Variants in DCHS2 observed in about 807,000 individuals in gnomAD.
DCHS2 encodes the protein protocadherin-23.
In DCHS2, 142 loss-of-function variants were observed where a neutral mutation model predicts 182.4. That is an observed-to-expected ratio of 0.78 (90% CI 0.68 to 0.89). DCHS2 has a LOEUF of 0.89. DCHS2 is among the 40% of genes least tolerant of loss of function. The pLI, the probability that DCHS2 is intolerant of heterozygous loss-of-function variation, is 0.00. For synonymous variants in DCHS2, 1,740 were observed against 1,663.3 expected, an observed-to-expected ratio of 1.05 and a Z score of -1.12; for missense variants, 4,319 against 4,198.6, an observed-to-expected ratio of 1.03 and a Z score of -0.79.
At chr4:154,300,610 C>CT (rs1264653496) in intron 12 of DCHS2, among the ~76,000 whole-genome samples, 2 of 151,698 alleles carry the variant, frequency 1.3e-5, no homozygotes, top group African/African-American at 2.4e-5. Context: ...TTGCTTGAGC[C>CT]TGACAGGGGG....
intron 1 of DCHS2, among the ~76,000 whole-genome samples, chr4:154,449,621 C>T (rs1000612195): frequency 6.6e-6 from 1 of 152,148 alleles, no homozygotes; most frequent in African/African-American, 2.4e-5. Context: ...AATACTCTTG[C>T]CTCGGCCTCC....
intron 15 of DCHS2, among the ~76,000 whole-genome samples, chr4:154,256,283 G>A (rs1032561246): frequency 8.6e-5 from 13 of 151,964 alleles, no homozygotes; most frequent in South Asian, 2.1e-4. Context: ...AGTAGCATGC[G>A]CCACCATGCC....
intron 1 of DCHS2, among the ~76,000 whole-genome samples, chr4:154,446,648 C>T (rs1170468972): frequency 2.0e-5 from 3 of 151,992 alleles, no homozygotes; most frequent in Non-Finnish European, 2.9e-5. Context: ...TGAGTGCAGG[C>T]GATCTGGCTG....
At chr4:154,391,710 G>C (rs536023980) in intron 1 of DCHS2, among the ~76,000 whole-genome samples, 1 of 152,216 alleles carries the variant, frequency 6.6e-6, no homozygotes, top group African/African-American at 2.4e-5. Context: ...TGTTTTGGGG[G>C]TTCTGTGTGT....
chr4:154,319,841 T>C (rs527331395), intron 9 of DCHS2, among the ~76,000 whole-genome samples: 100 of 152,224 alleles, frequency 6.6e-4, no homozygotes, highest in African/African-American at 2.0e-3. Context: ...TGGATATTTA[T>C]ACAAAAGAAT....
At chr4:154,253,192 A>AGTGTGT (rs945445954) in intron 16 of DCHS2, among the ~76,000 whole-genome samples, 2 of 142,542 alleles carry the variant, frequency 1.4e-5, no homozygotes, top group African/African-American at 5.2e-5. Flanking sequence ...AGAGAGAGAG[A>AGTGTGT]GTGTGTGTGT....
At chr4:154,386,162 C>T (rs1731406014) in intron 1 of DCHS2, among the ~76,000 whole-genome samples, 1 of 152,206 alleles carries the variant, frequency 6.6e-6, no homozygotes, top group Non-Finnish European at 1.5e-5. Flanking sequence ...AATCCTATTA[C>T]TCTCTTGCTA....
At chr4:154,444,407 A>G (rs1046036921) in intron 1 of DCHS2, among the ~76,000 whole-genome samples, 2 of 151,850 alleles carry the variant, frequency 1.3e-5, no homozygotes, top group Admixed American at 6.6e-5. Flanking sequence ...TCACCCTATT[A>G]CTCAGGCCAA....
At chr4:154,441,890 G>T (rs1008558963) in intron 1 of DCHS2, among the ~76,000 whole-genome samples, 1 of 152,112 alleles carries the variant, frequency 6.6e-6, no homozygotes, top group Non-Finnish European at 1.5e-5. Flanking sequence ...GGCCACAGTC[G>T]ATTGCATCCA....
At chr4:154,274,255 A>G (rs568086054) in intron 13 of DCHS2, among the ~76,000 whole-genome samples, 13 of 152,282 alleles carry the variant, frequency 8.5e-5, no homozygotes, top group Non-Finnish European at 1.6e-4. Context: ...TAAGTGTTGG[A>G]AAATAATTTA....
intron 13 of DCHS2, among the ~76,000 whole-genome samples, 161 bp downstream of exon 13, chr4:154,297,690 A>T (rs1237083047): frequency 6.6e-6 from 1 of 152,202 alleles, no homozygotes; most frequent in Admixed American, 6.5e-5. Context: ...TTCATCTCAG[A>T]CCAGGTTCCA....
rs187070121 is a variant in DCHS2, at chr4:154,250,998, T to C, written c.6941+4521A>G. Among the ~76,000 whole-genome samples the C allele has an allele frequency of 2.0e-5, 3 of 152,354 alleles. No homozygotes were observed. The East Asian group carries it at 5.8e-4, about 29-fold the overall frequency. On this transcript the variant is annotated intron_variant, in intron 16 of 19. Transcript: ENST00000357232. Reference sequence around the variant, plus strand: ...TCCAAACATACCAAACACTTTCACGTTCCCGTGCCTTTGGCCCCAAATCCT... The same window carrying C: ...TCCAAACATACCAAACACTTTCACGCTCCCGTGCCTTTGGCCCCAAATCCT...
At chr4:154,460,931 G>A (rs899848245) in intron 1 of DCHS2, among the ~76,000 whole-genome samples, 2 of 152,156 alleles carry the variant, frequency 1.3e-5, no homozygotes, top group Admixed American at 6.6e-5. Flanking sequence ...ACTTTCAACT[G>A]AAAGACATAA....
chr4:154,362,359 A>G (rs959084041), intron 3 of DCHS2, among the ~76,000 whole-genome samples: 3 of 152,188 alleles, frequency 2.0e-5, no homozygotes, highest in Non-Finnish European at 2.9e-5. Context: ...CCATATATCA[A>G]TGAAACTCCC....
At chr4:154,341,693 G>A (rs1729113949) in intron 3 of DCHS2, among the ~76,000 whole-genome samples, 1 of 151,858 alleles carries the variant, frequency 6.6e-6, no homozygotes, top group African/African-American at 2.4e-5. Context: ...TAAATATTGT[G>A]TGAACAAAAA....
chr4:154,351,830 C>A (rs1402653611), intron 3 of DCHS2, among the ~76,000 whole-genome samples: 6 of 152,134 alleles, frequency 3.9e-5, no homozygotes, highest in Non-Finnish European at 7.4e-5. Flanking sequence ...CGGTAATGCT[C>A]ACTCACCTCC....
chr4:154,287,621 C>T (rs1734461829), intron 13 of DCHS2, among the ~76,000 whole-genome samples: 1 of 152,044 alleles, frequency 6.6e-6, no homozygotes, highest in South Asian at 2.1e-4. Context: ...GCTGAGATTA[C>T]AGGTATGTGC....
In DCHS2 at chr4:154,435,488, C is replaced by T. The variant is rs551355367; in HGVS notation, c.2052+53816G>A. Among the ~76,000 whole-genome samples, 578 of 151,698 alleles carry T rather than the reference C, an allele frequency of 3.8e-3. 5 individuals carry two copies. Among genetic ancestry groups the T allele is most frequent in the African/African-American group, 0.013 (548 of 41,358 alleles). Reference sequence around the variant, plus strand: ...GTGGGTGCCTGTAGTCCCAGCTACTCGGGAGGCTGAGGCAGGAGAATGGTG... The same window carrying T: ...GTGGGTGCCTGTAGTCCCAGCTACTTGGGAGGCTGAGGCAGGAGAATGGTG... On this transcript the variant is annotated intron_variant, in intron 1 of 19. Transcript: ENST00000357232.
chr4:154,281,719 CAA>C (rs942227119), intron 13 of DCHS2, among the ~76,000 whole-genome samples: 1 of 152,024 alleles, frequency 6.6e-6, no homozygotes, highest in African/African-American at 2.4e-5. Context: ...CCTGAATAGT[CAA>C]AATAATCTTG....
Sources: allele counts gnomAD v4.1 joint callset (sites outside exome capture counted in the v4.1 genomes callset), GRCh38; gene constraint gnomAD v4.1.1; transcripts MANE v1.5; gene names NCBI Gene and HGNC (gene_info 2026-07-23, HGNC 2026-07-21).